The following SUCO variants were observed in gnomAD, a reference collection of about 807,000 sequenced individuals.
SUCO encodes the protein SUN domain-containing ossification factor.
In SUCO, 57 loss-of-function variants were observed where a neutral mutation model predicts 148.1. The ratio of observed to expected loss-of-function variants is 0.38; its 90% CI spans 0.31 to 0.48. The LOEUF (loss-of-function observed/expected upper bound fraction) is 0.48, where lower values mean the gene tolerates loss of function less well. Ranked by LOEUF, SUCO falls within the 20% of genes least tolerant of loss-of-function variation. The pLI is 0.96. For missense variants in SUCO, 1,331 were observed against 1,468.2 expected (o/e 0.91, Z 1.53); for synonymous variants, 470 against 502.7 (o/e 0.93, Z 0.87).
upstream of SUCO, chr1:172,532,573 C>T: frequency 5.6e-6 from 9 of 1,613,964 alleles, no homozygotes; most frequent in African/African-American, 2.7e-5. Flanking sequence ...CAGCTTCCCT[C>T]ACAACACACA....
At chr1:172,568,295 A>C (rs1654700694) in intron 6 of SUCO, 1 of 963,860 alleles carries the variant, frequency 1.0e-6, no homozygotes, top group African/African-American at 1.8e-5. Context: ...TATTGATTTT[A>C]TTCTTTGCTT....
chr1:172,584,269 T>C, intron 15 of SUCO: 1 of 307,924 alleles, frequency 3.2e-6, no homozygotes, highest in South Asian at 1.3e-4. Context: ...AATCACATAA[T>C]GTAGGAAAAG....
intron 10 of SUCO, 28 bp downstream of exon 10, chr1:172,574,026 T>C: frequency 7.7e-7 from 1 of 1,300,324 alleles, no homozygotes; most frequent in Non-Finnish European, 1.1e-6. Flanking sequence ...TTCTATAGGG[T>C]CTATGTTGGA....
At chr1:172,574,055 A>G (rs1655246672) in intron 10 of SUCO, 57 bp downstream of exon 10, 1 of 996,138 alleles carries the variant, frequency 1.0e-6, no homozygotes, top group African/African-American at 1.6e-5. Context: ...AAAAAGAAAA[A>G]CAAAAAAACA....
chr1:172,594,842 C>T (rs912826658), intron 19 of SUCO, among the ~76,000 whole-genome samples: 4 of 152,202 alleles, frequency 2.6e-5, no homozygotes, highest in Non-Finnish European at 5.9e-5. Flanking sequence ...TGTTAACTTT[C>T]TGTCTTATTG....
At chr1:172,582,926 A>G (rs1214301962) in intron 15 of SUCO, among the ~76,000 whole-genome samples, 1 of 152,184 alleles carries the variant, frequency 6.6e-6, no homozygotes, top group East Asian at 1.9e-4. Flanking sequence ...ATAATACTGT[A>G]AAGCTACTTT....
At chr1:172,596,811 A>G (rs765865315) in intron 19 of SUCO, among the ~76,000 whole-genome samples, 5 of 152,144 alleles carry the variant, frequency 3.3e-5, no homozygotes, top group Non-Finnish European at 7.4e-5. Flanking sequence ...ACTCTCTTCA[A>G]AGCTGTCAGA....
intron 6 of SUCO, among the ~76,000 whole-genome samples, chr1:172,562,667 A>G (rs60296720): frequency 0.048 from 7,286 of 152,170 alleles, 542 homozygotes; most frequent in African/African-American, 0.16. Flanking sequence ...ATTGTAAACA[A>G]TTTCCTTTTA....
chr1:172,545,917 CTTCCTTTCCT>C (rs762712987), intron 1 of SUCO, among the ~76,000 whole-genome samples: 149 of 151,910 alleles, frequency 9.8e-4, no homozygotes, highest in African/African-American at 3.4e-3. Flanking sequence ...TCCTTCCTTC[CTTCCTTTCCT>C]TTCCTTTCCT....
chr1:172,596,829 G>T (rs1006127564), intron 19 of SUCO, among the ~76,000 whole-genome samples: 3 of 152,204 alleles, frequency 2.0e-5, no homozygotes, highest in Non-Finnish European at 4.4e-5. Context: ...AGACGGGGAC[G>T]TTTAAGTCTG....
chr1:172,555,855 G>A lies in SUCO; in HGVS notation c.289-14G>A, dbSNP rs1653708783. ...TCTCAACATTTAATTTAGCTGACTT[G>A]TTTTTTTAAACAGAATACAGAGTCA... On this transcript the variant is annotated splice_polypyrimidine_tract_variant and intron_variant, in intron 3 of 23. Coordinates refer to ENST00000263688, the MANE Select transcript of SUCO (RefSeq NM_014283.5). The A allele has an allele frequency of 1.3e-6, 2 of 1,573,656 alleles. No individual in the cohort carries two copies. Among genetic ancestry groups the A allele is most frequent in the African/African-American group, 1.4e-5 (1 of 73,504 alleles).
chr1:172,596,256 A>G (rs1025438053), intron 19 of SUCO, among the ~76,000 whole-genome samples: 2 of 152,088 alleles, frequency 1.3e-5, no homozygotes, highest in African/African-American at 4.8e-5. Context: ...GTTTGTTATT[A>G]CCAGTTGTCT....
chr1:172,589,804 T>C lies in SUCO; in HGVS notation c.2703T>C (p.Asn901=). 1.9e-6 allele frequency: 3 copies of C among 1,611,682 alleles called. No homozygotes were observed. The highest frequency in any genetic ancestry group is 1.1e-5 in the South Asian group (1 of 90,858). ...ATTCTACAGATCTAGGATATGCTAA[T>C]GGAAATCTTGTACATGGATCAAACC... The part of the protein sequence containing the change: ...LQNSTDLGYA[N]GNLVHGSNQK... Residue 901 remains asparagine, a synonymous_variant, in exon 18 of 24, where the codon AAT becomes AAC. Transcript: ENST00000263688.
At chr1:172,576,864 A>G in intron 11 of SUCO, 1 of 809,132 alleles carries the variant, frequency 1.2e-6, no homozygotes, top group Non-Finnish European at 1.5e-6. Flanking sequence ...TTTTCATTTT[A>G]TGGTAATAAT....
intron 15 of SUCO, chr1:172,584,398 A>C (rs1234243134): frequency 1.1e-6 from 1 of 924,474 alleles, no homozygotes; most frequent in Non-Finnish European, 1.3e-6. Flanking sequence ...CCCAGTACAG[A>C]CTGTATGTTG....
intron 10 of SUCO, among the ~76,000 whole-genome samples, chr1:172,574,469 A>C (rs1257793241): frequency 2.0e-5 from 3 of 151,870 alleles, no homozygotes; most frequent in African/African-American, 7.2e-5. Flanking sequence ...GTGTGATTAT[A>C]AAAGAAATAA....
chr1:172,556,275 A>G (rs769314607), intron 4 of SUCO, among the ~76,000 whole-genome samples: 1 of 152,212 alleles, frequency 6.6e-6, no homozygotes, highest in African/African-American at 2.4e-5. Flanking sequence ...TGAAATCTCT[A>G]TATAGTCTGA....
At position 172,607,547 on chromosome 1, in the gene SUCO, A is replaced by G. The variant is rs900840250; in HGVS notation, c.3266-1200A>G. On this transcript the variant is annotated intron_variant, in intron 22 of 23. Transcript: ENST00000263688. ...AAGTTCATATATTCTTGTGTTGGCA[A>G]ATGTTTTCAGGGCAAAAATGACTTT... is the stretch of plus-strand genomic sequence containing the variant. Among the ~76,000 whole-genome samples the G allele has an allele frequency of 5.9e-5, 9 of 152,010 alleles. 1 individual carries two copies. Among genetic ancestry groups the G allele is most frequent in the Admixed American group, 3.3e-4 (5 of 15,228 alleles).
At chr1:172,560,928 A>G (rs1482324860) in intron 6 of SUCO, among the ~76,000 whole-genome samples, 1 of 152,234 alleles carries the variant, frequency 6.6e-6, no homozygotes, top group African/African-American at 2.4e-5. Context: ...TTTGTTGCCA[A>G]CTTGAGTCTA....
Sources: gnomAD v4.1 joint callset for allele counts (sites outside exome capture counted in the v4.1 genomes callset) on GRCh38, gnomAD v4.1.1 for gene constraint, MANE v1.5 for transcripts, NCBI Gene and HGNC (gene_info 2026-07-23, HGNC 2026-07-21) for gene names.